FRMPD1: variants seen among roughly 807,000 people sequenced by gnomAD.
FRMPD1 encodes FERM and PDZ domain-containing protein 1.
Under a neutral mutation model 117.8 loss-of-function variants are expected in FRMPD1, and 76 were observed. That is an observed-to-expected ratio of 0.65 (90% CI 0.54 to 0.78). FRMPD1 has a LOEUF of 0.78. Among genes scored for constraint, FRMPD1 ranks in the 30% least tolerant of loss-of-function variants. The pLI, the probability that FRMPD1 is intolerant of heterozygous loss-of-function variation, is 0.00. For synonymous variants in FRMPD1, 783 were observed against 770.4 expected (o/e 1.02, Z -0.27); for missense variants, 1,786 against 1,964.5 (o/e 0.91, Z 1.72).
chr9:37,740,708 C>A lies in FRMPD1; in HGVS notation c.2180C>A (p.Ala727Asp). The A allele has an allele frequency of 6.2e-7, 1 of 1,614,124 alleles. No individual in the cohort carries two copies. Among genetic ancestry groups the A allele is most frequent in the Non-Finnish European group, 8.5e-7 (1 of 1,179,998 alleles). The change falls in exon 15 of 16, where the codon GCT becomes GAT. Residue 727 changes from alanine (A) to aspartate (D), a missense_variant. Ala to Asp is a moderately radical substitution (Grantham distance 126, BLOSUM62 -2). Coordinates refer to ENST00000377765, the MANE Select transcript of FRMPD1 (RefSeq NM_014907.3). The surrounding 1 kb of genome is among the most constrained non-coding windows in gnomAD (Gnocchi z 4.2). ...SYLSDSSESTASRQGGAPPAW... is the reference protein window; with the variant it reads ...SYLSDSSESTDSRQGGAPPAW... ...CTGAGTGACAGTTCCGAGAGTACAG[C>A]TTCCCGGCAAGGGGGAGCCCCGCCA...
At chr9:37,718,311 G>T (rs1823239665) in intron 5 of FRMPD1, among the ~76,000 whole-genome samples, 1 of 152,220 alleles carries the variant, frequency 6.6e-6, no homozygotes, top group Non-Finnish European at 1.5e-5. Context: ...ACATTCTAGA[G>T]GCTGGTCTAA....
chr9:37,679,947 C>T (rs992031917), intron 1 of FRMPD1, among the ~76,000 whole-genome samples: 14 of 152,222 alleles, frequency 9.2e-5, no homozygotes, highest in African/African-American at 3.4e-4. Context: ...ATCACATCAA[C>T]ACCACCAGTG....
chr9:37,645,100 G>GAAAA, the FRMPD1 span, among the ~76,000 whole-genome samples: 3 of 119,570 alleles, frequency 2.5e-5, no homozygotes, highest in Non-Finnish European at 1.8e-5. Context: ...TGAGCCAGCA[G>GAAAA]AAAAAAAAAA....
Position 37,732,441 on chromosome 9 carries a change from GT to G in FRMPD1, c.995+2del. 1 of 1,595,396 alleles carries G rather than the reference GT, an allele frequency of 6.3e-7. No individual in the cohort carries two copies. The highest frequency in any genetic ancestry group is 8.5e-7 in the Non-Finnish European group (1 of 1,170,170). ...AGAAGATCTCTTTAAAGTATATAGA[GT>G]GAGTGGCAGGGGATGGCAGCTGCAT... On this transcript the variant is annotated splice_donor_variant, in intron 10 of 15. Transcript: ENST00000377765. LOFTEE classifies it high-confidence loss of function.
the FRMPD1 span, among the ~76,000 whole-genome samples, chr9:37,638,724 G>T: frequency 1.3e-5 from 2 of 152,302 alleles, no homozygotes; most frequent in South Asian, 4.1e-4. Context: ...AATTCTGCAA[G>T]TTCCCCACTT....
chr9:37,619,193 A>C, the FRMPD1 span, among the ~76,000 whole-genome samples: 1 of 152,200 alleles, frequency 6.6e-6, no homozygotes, highest in Non-Finnish European at 1.5e-5. Flanking sequence ...AAAACTTGGG[A>C]ACGTTTCCAT....
chr9:37,732,179 G>A (rs1823913495), intron 9 of FRMPD1, 125 bp from the exon 10 acceptor site: 30 of 957,770 alleles, frequency 3.1e-5, no homozygotes, highest in Non-Finnish European at 4.8e-5. Flanking sequence ...AGGTCACACA[G>A]CCAAGAACTG....
rs368670105 is a variant in FRMPD1, at chr9:37,744,627, C to G, written c.2595C>G (p.Asp865Glu). ...CAGCCTCCCTGGAGAGTGTAGACGA[C>G]GTGTGCTACTATGACAGGGAGCCCT... ...VPSASLESVDDVCYYDREPYL... is the reference protein window; with the variant it reads ...VPSASLESVDEVCYYDREPYL... Residue 865 changes from aspartate to glutamate, a missense_variant, in exon 16 of 16, where the codon GAC becomes GAG. By Grantham distance (45) the Asp-to-Glu change is conservative. Coordinates refer to ENST00000377765, the MANE Select transcript of FRMPD1 (RefSeq NM_014907.3). 1 of 1,613,866 alleles carries G rather than the reference C, an allele frequency of 6.2e-7. No homozygotes were observed. Among genetic ancestry groups the G allele is most frequent in the Non-Finnish European group, 8.5e-7 (1 of 1,179,780 alleles).
At chr9:37,683,030 T>G (rs1347043469) in intron 1 of FRMPD1, among the ~76,000 whole-genome samples, 2 of 152,206 alleles carry the variant, frequency 1.3e-5, no homozygotes, top group Non-Finnish European at 2.9e-5. Context: ...CCATTAGCAG[T>G]CAGTTCCCAT....
At chr9:37,634,818 G>GCATACATATAC in the FRMPD1 span, among the ~76,000 whole-genome samples, 33 of 151,244 alleles carry the variant, frequency 2.2e-4, 1 homozygote, top group East Asian at 1.8e-3. Context: ...GTGTTACATA[G>GCATACATATAC]GTATACGTGT....
At chr9:37,720,180 T>C (rs1823330573) in intron 6 of FRMPD1, among the ~76,000 whole-genome samples, 1 of 152,218 alleles carries the variant, frequency 6.6e-6, no homozygotes. Context: ...GTGGACTTGT[T>C]CAGGAAGGGG....
chr9:37,650,221 G>A (rs890546507), upstream of FRMPD1, among the ~76,000 whole-genome samples: 1 of 152,212 alleles, frequency 6.6e-6, no homozygotes, highest in Non-Finnish European at 1.5e-5. Flanking sequence ...ACATGCATTT[G>A]GGTATCATGC....
At chr9:37,650,640 C>T (rs1344070723), upstream of FRMPD1, among the ~76,000 whole-genome samples, 1 of 152,168 alleles carries the variant, frequency 6.6e-6, no homozygotes, top group Non-Finnish European at 1.5e-5. Context: ...ACCGCTGGTC[C>T]GGGTGACCTT....
intron 15 of FRMPD1, among the ~76,000 whole-genome samples, chr9:37,743,520 C>CA (rs1824522178): frequency 2.4e-5 from 1 of 40,900 alleles, no homozygotes; most frequent in African/African-American, 7.5e-5. Context: ...AATGGCTCTG[C>CA]TTTTTTTTTT....
intron 1 of FRMPD1, among the ~76,000 whole-genome samples, chr9:37,678,935 T>C (rs728911): frequency 0.12 from 17,964 of 152,266 alleles, 1,175 homozygotes; most frequent in Middle Eastern, 0.2. Context: ...ACTCAGGCCC[T>C]GTGGTCCTCA....
intron 4 of FRMPD1, among the ~76,000 whole-genome samples, chr9:37,711,051 G>A (rs1260381742): frequency 6.6e-6 from 1 of 151,992 alleles, no homozygotes; most frequent in African/African-American, 2.4e-5. Flanking sequence ...TTAAGGCTAA[G>A]TGCCTTAATT....
Position 37,665,452 on chromosome 9 carries a change from G to T in FRMPD1, c.-5+14358G>T, listed in dbSNP as rs1328549916. On this transcript the variant is annotated intron_variant, in intron 1 of 15. Coordinates refer to ENST00000377765, the MANE Select transcript of FRMPD1 (RefSeq NM_014907.3). ...TTATCTTGCAAATTCCAGACAGGTGGTGTTTTCAGAAGGAAGAGTGGTCTT... is the reference window on the plus strand; with the variant it reads ...TTATCTTGCAAATTCCAGACAGGTGTTGTTTTCAGAAGGAAGAGTGGTCTT... Among the ~76,000 whole-genome samples the T allele has an allele frequency of 1.3e-5, 2 of 152,212 alleles. 1 individual carries two copies. The highest frequency in any genetic ancestry group is 4.8e-5 in the African/African-American group (2 of 41,450).
At chr9:37,605,321 G>A in the FRMPD1 span, among the ~76,000 whole-genome samples, 1 of 152,192 alleles carries the variant, frequency 6.6e-6, no homozygotes, top group African/African-American at 2.4e-5. Flanking sequence ...CAGTCCCTGA[G>A]GGCTGGCAAC....
chr9:37,711,522 C>G (rs1223335853), intron 5 of FRMPD1, 127 bp downstream of exon 5: 6 of 740,284 alleles, frequency 8.1e-6, no homozygotes, highest in Admixed American at 7.6e-5. Context: ...AGCTGCCCGG[C>G]AGTGGGTGGC....
Sources: gnomAD v4.1 joint callset for allele counts (sites outside exome capture counted in the v4.1 genomes callset) on GRCh38, gnomAD v4.1.1 for gene constraint, Gnocchi (gnomAD v3.1) non-coding constraint, MANE v1.5 for transcripts, NCBI Gene and HGNC (gene_info 2026-07-23, HGNC 2026-07-21) for gene names.